Variants in ABCA1 observed in about 807,000 individuals in gnomAD.
ABCA1 encodes phospholipid-transporting ATPase ABCA1.
ABCA1 carries 133 observed loss-of-function variants against 262.5 expected under a neutral mutation model. The ratio of observed to expected loss-of-function variants is 0.51; its 90% CI spans 0.44 to 0.59. ABCA1 has a LOEUF of 0.59. Among genes scored for constraint, ABCA1 ranks in the 20% least tolerant of loss-of-function variants. The probability of loss-of-function intolerance (pLI) is 0.00; values close to 1 mark genes in which losing one functional copy is unlikely to be tolerated. For missense variants in ABCA1, 2,452 were observed against 2,777.5 expected, an observed-to-expected ratio of 0.88 and a Z score of 2.63; for synonymous variants, 1,022 against 1,043.5, an observed-to-expected ratio of 0.98 and a Z score of 0.40.
At position 104,817,493 on chromosome 9, in the gene ABCA1, T is replaced by G; in HGVS notation, c.3463-89A>C. 6 of 1,406,356 alleles carry G rather than the reference T, an allele frequency of 4.3e-6. No individual in the cohort carries two copies. The highest frequency in any genetic ancestry group is 6.0e-6 in the Non-Finnish European group (6 of 999,092). 87.1% of individuals were successfully genotyped at this position (1,406,356 alleles called of 1,614,324 possible). On this transcript the variant is annotated intron_variant, in intron 23 of 49. Transcript: ENST00000374736. The surrounding 1 kb of genome is among the most constrained non-coding windows in gnomAD (Gnocchi z 4.7). Reference sequence around the variant, plus strand: ...TCGCCGGGGAGGGCTTCCAAGAAGCTCTGTTGTGTGAGAACTAAAGGAAAA... The same window carrying G: ...TCGCCGGGGAGGGCTTCCAAGAAGCGCTGTTGTGTGAGAACTAAAGGAAAA...
chr9:104,796,604 T>G (rs930700289), intron 37 of ABCA1, among the ~76,000 whole-genome samples, 180 bp from the exon 38 acceptor site: 1 of 152,238 alleles, frequency 6.6e-6, no homozygotes, highest in Admixed American at 6.5e-5. Flanking sequence ...GACAAGCATT[T>G]TCCCCTTGGC....
At chr9:104,856,036 C>T (rs910654494) in intron 7 of ABCA1, 9 of 1,612,316 alleles carry the variant, frequency 5.6e-6, no homozygotes, top group Non-Finnish European at 7.6e-6. Flanking sequence ...TACTGCTGCA[C>T]TTCTTGGCAC....
intron 1 of ABCA1, among the ~76,000 whole-genome samples, chr9:104,916,501 C>T (rs1281130817): frequency 2.0e-5 from 3 of 152,190 alleles, no homozygotes; most frequent in African/African-American, 7.2e-5. Context: ...TCTACAGACA[C>T]AATTTCTTCT....
chr9:104,887,276 AAAAC>A lies in ABCA1; in HGVS notation c.160+1822_160+1825del, dbSNP rs34817114. ...CTGGGCAACAGAGCAAGACCATCTC[AAAAC>A]AAACAAACAAAGAAGTGCATAGATG... is the stretch of plus-strand genomic sequence containing the variant. On this transcript the variant is annotated intron_variant, in intron 3 of 49. Coordinates refer to ENST00000374736, the MANE Select transcript of ABCA1 (RefSeq NM_005502.4). 9.2e-5 allele frequency among the ~76,000 whole-genome samples: 14 copies of A among 151,884 alleles called. No homozygotes were observed. In the East Asian group the frequency reaches 1.9e-3, roughly 21 times the overall value.
At chr9:104,887,216 T>C (rs1432919401) in intron 3 of ABCA1, among the ~76,000 whole-genome samples, 1 of 152,202 alleles carries the variant, frequency 6.6e-6, no homozygotes. Flanking sequence ...AGGCAGACAT[T>C]GTAGTGAGCG....
At chr9:104,893,264 T>G (rs1241494124) in intron 2 of ABCA1, among the ~76,000 whole-genome samples, 3 of 149,252 alleles carry the variant, frequency 2.0e-5, no homozygotes, top group Admixed American at 6.7e-5. Flanking sequence ...CTACTGAAAA[T>G]ACAAAAAAAT....
At chr9:104,857,558 C>A (rs1195398993) in intron 7 of ABCA1, among the ~76,000 whole-genome samples, 2 of 152,094 alleles carry the variant, frequency 1.3e-5, no homozygotes, top group Non-Finnish European at 2.9e-5. Context: ...GATGGTCAAT[C>A]AAAGGTATGA....
chr9:104,894,359 G>A (rs1397116535), intron 2 of ABCA1, among the ~76,000 whole-genome samples: 1 of 151,982 alleles, frequency 6.6e-6, no homozygotes, highest in Non-Finnish European at 1.5e-5. Context: ...TGACAGCAAA[G>A]GGCAAACAAA....
chr9:104,856,395 G>A (rs1234864230), intron 7 of ABCA1, among the ~76,000 whole-genome samples: 1 of 152,122 alleles, frequency 6.6e-6, no homozygotes, highest in East Asian at 1.9e-4. Flanking sequence ...TATGCAGAAA[G>A]CACCTGGTAG....
chr9:104,847,471 C>T (rs1834995774), intron 7 of ABCA1, among the ~76,000 whole-genome samples: 1 of 152,218 alleles, frequency 6.6e-6, no homozygotes. Context: ...AATGTCATCC[C>T]CTGCCTTTTT....
At chr9:104,867,744 CTG>C (rs1436262490) in intron 5 of ABCA1, among the ~76,000 whole-genome samples, 1 of 152,178 alleles carries the variant, frequency 6.6e-6, no homozygotes, top group African/African-American at 2.4e-5. Context: ...CCACCAGTCA[CTG>C]CAAGGATGGA....
At chr9:104,808,647 G>T (rs1831003053) in intron 30 of ABCA1, among the ~76,000 whole-genome samples, 1 of 152,152 alleles carries the variant, frequency 6.6e-6, no homozygotes, top group Non-Finnish European at 1.5e-5. Flanking sequence ...GTATAAACAG[G>T]TTATCATGCT....
chr9:104,803,415 C>A, intron 32 of ABCA1, 99 bp from the exon 33 acceptor site: 1 of 1,234,870 alleles, frequency 8.1e-7, no homozygotes, highest in South Asian at 1.2e-5. Context: ...ATATAAGGAA[C>A]GGACAGAAAT....
chr9:104,861,366 G>A lies in ABCA1; in HGVS notation c.543+313C>T, dbSNP rs552381283. 83 of 545,156 alleles carry A rather than the reference G, an allele frequency of 1.5e-4. No homozygotes were observed. In the South Asian group the frequency reaches 1.7e-3, roughly 11 times the overall value. 33.8% of individuals were successfully genotyped at this position (545,156 alleles called of 1,614,324 possible). On this transcript the variant is annotated intron_variant, in intron 6 of 49. Coordinates refer to ENST00000374736, the MANE Select transcript of ABCA1 (RefSeq NM_005502.4). Reference sequence around the variant, plus strand: ...ACCACGGTTATTGCCTCAGAACTGTGAATATTTTTTAAGTTTAACTCAACT... The same window carrying A: ...ACCACGGTTATTGCCTCAGAACTGTAAATATTTTTTAAGTTTAACTCAACT...
chr9:104,908,291 T>C (rs1841292232), intron 1 of ABCA1, among the ~76,000 whole-genome samples: 1 of 152,218 alleles, frequency 6.6e-6, no homozygotes, highest in Admixed American at 6.5e-5. Flanking sequence ...CCTAGGTATT[T>C]GTGAATATTT....
intron 19 of ABCA1, among the ~76,000 whole-genome samples, chr9:104,821,978 T>C (rs943424339): frequency 6.6e-6 from 1 of 152,160 alleles, no homozygotes; most frequent in African/African-American, 2.4e-5. Context: ...CCCCCAAAGA[T>C]ATACCCTTTG....
chr9:104,866,516 T>G (rs189187425), intron 5 of ABCA1, among the ~76,000 whole-genome samples: 5 of 151,914 alleles, frequency 3.3e-5, no homozygotes, highest in Non-Finnish European at 7.4e-5. Flanking sequence ...AGTTTCACCC[T>G]TTCACCCAGG....
intron 5 of ABCA1, among the ~76,000 whole-genome samples, chr9:104,874,055 C>T (rs1246839234): frequency 6.6e-6 from 1 of 152,222 alleles, no homozygotes; most frequent in Non-Finnish European, 1.5e-5. Context: ...ACCAAAGCCA[C>T]CCTGCTCCCT....
chr9:104,815,311 A>T (rs565261588), intron 25 of ABCA1, among the ~76,000 whole-genome samples: 74 of 152,364 alleles, frequency 4.9e-4, no homozygotes, highest in African/African-American at 1.7e-3. Context: ...ACCTCCAGAA[A>T]TTCTGATTCA....
Sources: gnomAD v4.1 joint callset for allele counts (sites outside exome capture counted in the v4.1 genomes callset) on GRCh38, gnomAD v4.1.1 for gene constraint, Gnocchi (gnomAD v3.1) non-coding constraint, MANE v1.5 for transcripts, NCBI Gene and HGNC (gene_info 2026-07-23, HGNC 2026-07-21) for gene names.